Variants in ADAMTS20 observed in about 807,000 individuals in gnomAD.
ADAMTS20 encodes the protein A disintegrin and metalloproteinase with thrombospondin motifs 20.
In ADAMTS20, 225 loss-of-function variants were observed where a neutral mutation model predicts 260.1. That is an observed-to-expected ratio of 0.87 (90% confidence interval 0.78 to 0.97). The LOEUF is 0.97. ADAMTS20 is among the 50% of genes least tolerant of loss of function. The pLI, the probability that ADAMTS20 is intolerant of heterozygous loss-of-function variation, is 0.00. For missense variants in ADAMTS20, 2,400 were observed against 2,337.7 expected (o/e 1.03, Z -0.55); for synonymous variants, 802 against 769.5 (o/e 1.04, Z -0.70).
chr12:43,405,229 CAAAAAAAAAAAAAAA>C (rs869040570), intron 28 of ADAMTS20, among the ~76,000 whole-genome samples: 2,498 of 52,928 alleles, frequency 0.047, 50 homozygotes, highest in African/African-American at 0.077. Flanking sequence ...CTCATCTCTA[CAAAAAAAAAAAAAAA>C]AAAAAAAAAA....
At chr12:43,438,029 G>A (rs534789026) in intron 18 of ADAMTS20, among the ~76,000 whole-genome samples, 1 of 152,056 alleles carries the variant, frequency 6.6e-6, no homozygotes, top group East Asian at 1.9e-4. Flanking sequence ...AAACAAAAGA[G>A]GGAATTTAAC....
intron 28 of ADAMTS20, among the ~76,000 whole-genome samples, chr12:43,410,460 T>C (rs1941010967): frequency 6.6e-6 from 1 of 151,690 alleles, no homozygotes; most frequent in Admixed American, 6.6e-5. Flanking sequence ...AAATGAAGAG[T>C]TGTGTAAGAA....
chr12:43,425,504 G>T lies in ADAMTS20; in HGVS notation c.4284+10C>A, dbSNP rs995490498. The T allele has an allele frequency of 1.2e-5, 18 of 1,479,736 alleles. No homozygotes were observed. The highest frequency in any genetic ancestry group is 1.6e-5 in the Non-Finnish European group (18 of 1,101,964). The allele number at this position is 1,479,736 out of a possible 1,614,324, so 91.7% of individuals were successfully genotyped here. A position where few individuals can be genotyped will look rare whatever the true frequency, so the allele number is the denominator to read the frequency against. On this transcript the variant is annotated intron_variant, in intron 28 of 38. Transcript: ENST00000389420. ...GTATGACATGTTAACAGACAAGAGT[G>T]CTATCATACCGATGTCCATGGTTCC...
At chr12:43,382,336 G>A (rs527706104) in intron 31 of ADAMTS20, among the ~76,000 whole-genome samples, 1 of 152,270 alleles carries the variant, frequency 6.6e-6, no homozygotes, top group South Asian at 2.1e-4. Flanking sequence ...GATAAAACTT[G>A]TATAAAGTTT....
chr12:43,510,473 A>G (rs1254763734), intron 3 of ADAMTS20, among the ~76,000 whole-genome samples: 1 of 151,896 alleles, frequency 6.6e-6, no homozygotes, highest in Non-Finnish European at 1.5e-5. Context: ...TTTATACCTA[A>G]GTGGTGTTAC....
At chr12:43,505,684 A>T (rs1233251305) in intron 3 of ADAMTS20, among the ~76,000 whole-genome samples, 1 of 152,226 alleles carries the variant, frequency 6.6e-6, no homozygotes, top group African/African-American at 2.4e-5. Context: ...TGGAAACCTT[A>T]TGCACTGTTG....
chr12:43,396,924 C>T (rs973604979), intron 29 of ADAMTS20, among the ~76,000 whole-genome samples: 1 of 152,142 alleles, frequency 6.6e-6, no homozygotes, highest in African/African-American at 2.4e-5. Context: ...AAAAGTCTCT[C>T]CCACTTCCAC....
chr12:43,497,877 A>T (rs1942699716), intron 4 of ADAMTS20, among the ~76,000 whole-genome samples: 1 of 152,144 alleles, frequency 6.6e-6, no homozygotes, highest in East Asian at 1.9e-4. Flanking sequence ...TATAGAGTCA[A>T]ACCCTTACAA....
rs575264890 is a variant in ADAMTS20 at position 43,541,480 on chromosome 12, C to A, written c.454-9285G>T. Among the ~76,000 whole-genome samples the A allele has an allele frequency of 3.3e-5, 5 of 152,274 alleles. No individual in the cohort carries two copies. In the East Asian group the frequency reaches 9.6e-4, roughly 29 times the overall value. On this transcript the variant is annotated intron_variant, in intron 2 of 38. Coordinates refer to ENST00000389420, the MANE Select transcript of ADAMTS20 (RefSeq NM_025003.5). ...AGCAAGATGAAAAATTCTCCACTAACAACACAAATGTGACAGCCACTCTTT... is the reference window on the plus strand; with the variant it reads ...AGCAAGATGAAAAATTCTCCACTAAAAACACAAATGTGACAGCCACTCTTT...
At chr12:43,460,391 C>A (rs1942038374) in intron 11 of ADAMTS20, among the ~76,000 whole-genome samples, 1 of 152,078 alleles carries the variant, frequency 6.6e-6, no homozygotes, top group Non-Finnish European at 1.5e-5. Flanking sequence ...AATGAGATTC[C>A]ATTTTATACC....
chr12:43,550,849 C>T, intron 2 of ADAMTS20, 60 bp downstream of exon 2: 1 of 1,461,856 alleles, frequency 6.8e-7, no homozygotes, highest in Non-Finnish European at 9.0e-7. Context: ...AGGCCCCGTT[C>T]GCTGAATGTA....
intron 3 of ADAMTS20, among the ~76,000 whole-genome samples, chr12:43,518,624 C>T (rs2137477051): frequency 6.6e-6 from 1 of 152,076 alleles, no homozygotes; most frequent in South Asian, 2.1e-4. Flanking sequence ...AAATTCTTAT[C>T]TCAAGCCTAA....
chr12:43,418,333 C>T (rs892030618), intron 28 of ADAMTS20, among the ~76,000 whole-genome samples: 16 of 152,084 alleles, frequency 1.1e-4, no homozygotes, highest in African/African-American at 3.6e-4. Context: ...TTTTTTGAGA[C>T]GGAGCCTCAT....
chr12:43,456,767 C>T (rs927265398), intron 11 of ADAMTS20, among the ~76,000 whole-genome samples: 6 of 152,070 alleles, frequency 3.9e-5, no homozygotes, highest in South Asian at 2.1e-4. Context: ...AAGCTAATTC[C>T]GATTGGCTCT....
intron 11 of ADAMTS20, among the ~76,000 whole-genome samples, chr12:43,460,988 A>ATATATATATATTTTTT: frequency 2.7e-4 from 7 of 26,396 alleles, no homozygotes; most frequent in South Asian, 2.7e-3. Flanking sequence ...ATATATATAT[A>ATATATATATATTTTTT]TTTTTTTTTT....
At chr12:43,466,843 G>A (rs113731655) in intron 8 of ADAMTS20, 48 bp from the exon 9 acceptor site, 43 of 1,356,758 alleles carry the variant, frequency 3.2e-5, no homozygotes, top group African/African-American at 4.4e-5. Context: ...AGATGCTTAC[G>A]ATATTAGTAA....
At chr12:43,506,213 T>C (rs1019115076) in intron 3 of ADAMTS20, among the ~76,000 whole-genome samples, 3 of 151,320 alleles carry the variant, frequency 2.0e-5, no homozygotes, top group Non-Finnish European at 2.9e-5. Context: ...GAAGTTATCA[T>C]GCTAAGTCAA....
In ADAMTS20 at chr12:43,434,390, A is replaced by G; in HGVS notation, c.2594-19T>C. On this transcript the variant is annotated intron_variant, in intron 18 of 38. Coordinates refer to ENST00000389420, the MANE Select transcript of ADAMTS20 (RefSeq NM_025003.5). ...TGAAGACCTTGGCCAAAGTCAAATG[A>G]AAATAAAAAATGAAAGAAAAATTCA... The G allele has an allele frequency of 1.3e-6, 2 of 1,549,952 alleles. No homozygotes were observed. Among genetic ancestry groups the G allele is most frequent in the Non-Finnish European group, 1.7e-6 (2 of 1,148,164 alleles).
At position 43,399,189 on chromosome 12, in the gene ADAMTS20, A is replaced by G; in HGVS notation, c.4329T>C (p.Phe1443=). The change falls in exon 29 of 39, where the codon TTT becomes TTC. Residue 1443 remains phenylalanine, a synonymous_variant. Transcript: ENST00000389420. ...CGKGRKYREV[F]CIDQFQRKLE... ...ATTTCCTTTGGAATTGGTCAATGCA[A>G]AACACTTCACGGTACTTTCTACCTT... The G allele has an allele frequency of 6.3e-7, 1 of 1,583,148 alleles. No individual in the cohort carries two copies.
Sources: allele counts gnomAD v4.1 joint callset (sites outside exome capture counted in the v4.1 genomes callset), GRCh38; gene constraint gnomAD v4.1.1; transcripts MANE v1.5; gene names NCBI Gene and HGNC (gene_info 2026-07-23, HGNC 2026-07-21).